The following DDR2 variants were observed in gnomAD, a reference collection of about 807,000 sequenced individuals.
DDR2 encodes discoidin domain receptor tyrosine kinase 2, also known as discoidin domain-containing receptor 2.
Under a neutral mutation model 94.9 loss-of-function variants are expected in DDR2, and 27 were observed. That is an observed-to-expected ratio of 0.28 (90% CI 0.21 to 0.39). DDR2 has a LOEUF of 0.39. Among genes scored for constraint, DDR2 ranks in the 10% least tolerant of loss-of-function variants. DDR2 has a pLI of 1.00. For synonymous variants in DDR2, 382 were observed against 377.2 expected (o/e 1.01, Z -0.15); for missense variants, 783 against 1,076.0 (o/e 0.73, Z 3.81).
intron 3 of DDR2, among the ~76,000 whole-genome samples, chr1:162,729,851 T>C (rs961915157): frequency 7.2e-5 from 11 of 151,770 alleles, no homozygotes; most frequent in African/African-American, 2.7e-4. Flanking sequence ...TCTAGAGATT[T>C]TCCTGCCTCA....
At chr1:162,656,910 T>C (rs943714050) in intron 2 of DDR2, among the ~76,000 whole-genome samples, 5 of 144,932 alleles carry the variant, frequency 3.4e-5, no homozygotes, top group Non-Finnish European at 7.5e-5. Context: ...AGTGTAATCT[T>C]GTGCAATCTT....
chr1:162,641,579 A>G (rs951405068), intron 1 of DDR2, among the ~76,000 whole-genome samples: 1 of 152,212 alleles, frequency 6.6e-6, no homozygotes, highest in Admixed American at 6.5e-5. Context: ...CTCACTGTAT[A>G]TTAGATTAAG....
At chr1:162,639,672 A>T (rs1657027094) in intron 1 of DDR2, among the ~76,000 whole-genome samples, 1 of 152,248 alleles carries the variant, frequency 6.6e-6, no homozygotes, top group Non-Finnish European at 1.5e-5. Flanking sequence ...CCACTCTGTG[A>T]AAGACAATGT....
chr1:162,697,607 G>T (rs1409634589), intron 2 of DDR2, among the ~76,000 whole-genome samples: 1 of 152,186 alleles, frequency 6.6e-6, no homozygotes, highest in Non-Finnish European at 1.5e-5. Context: ...GCCTAGTTGT[G>T]TACTAGGGAG....
chr1:162,635,819 C>A (rs1380354860), intron 1 of DDR2, among the ~76,000 whole-genome samples: 1 of 152,188 alleles, frequency 6.6e-6, no homozygotes, highest in South Asian at 2.1e-4. Flanking sequence ...GAACTGCTCC[C>A]CAGGTGATTC....
At position 162,644,583 on chromosome 1, in the gene DDR2, C is replaced by G. The variant is rs77926169; in HGVS notation, c.-191-10628C>G. Among the ~76,000 whole-genome samples, 673 of 145,412 alleles carry G rather than the reference C, an allele frequency of 4.6e-3. 3 individuals are homozygous for G. The highest frequency in any genetic ancestry group is 8.0e-3 in the Non-Finnish European group (536 of 66,706). On this transcript the variant is annotated intron_variant, in intron 1 of 17. Transcript: ENST00000367921. Reference sequence around the variant, plus strand: ...AAGTGGTGACAAACGATTGAGATATCTAGATCCACATTATTTACCTTTTTT... The same window carrying G: ...AAGTGGTGACAAACGATTGAGATATGTAGATCCACATTATTTACCTTTTTT...
chr1:162,735,948 C>T (rs1283398316), intron 3 of DDR2, among the ~76,000 whole-genome samples: 1 of 152,236 alleles, frequency 6.6e-6, no homozygotes, highest in South Asian at 2.1e-4. Context: ...AGCAGAGGCT[C>T]TCATTGCATT....
At chr1:162,678,628 T>A (rs983519279) in intron 2 of DDR2, among the ~76,000 whole-genome samples, 6 of 152,228 alleles carry the variant, frequency 3.9e-5, no homozygotes, top group Non-Finnish European at 7.3e-5. Flanking sequence ...AATGCATTCC[T>A]TCCCACAAAT....
chr1:162,644,900 A>G (rs988076907), intron 1 of DDR2, among the ~76,000 whole-genome samples: 4 of 152,210 alleles, frequency 2.6e-5, no homozygotes, highest in Non-Finnish European at 4.4e-5. Context: ...CCAGCCAACC[A>G]CACTTCTTAA....
chr1:162,648,425 T>G (rs1383042648), intron 1 of DDR2, among the ~76,000 whole-genome samples: 2 of 152,102 alleles, frequency 1.3e-5, no homozygotes, highest in Non-Finnish European at 2.9e-5. Flanking sequence ...GAAATAACAT[T>G]GCATAGATGG....
At chr1:162,684,883 G>A (rs1371748500) in intron 2 of DDR2, among the ~76,000 whole-genome samples, 1 of 149,784 alleles carries the variant, frequency 6.7e-6, no homozygotes, top group Admixed American at 6.7e-5. Flanking sequence ...TAGCACCATT[G>A]CTACCTTATG....
At chr1:162,675,449 T>C (rs901528993) in intron 2 of DDR2, among the ~76,000 whole-genome samples, 2 of 152,162 alleles carry the variant, frequency 1.3e-5, no homozygotes, top group Non-Finnish European at 2.9e-5. Context: ...ATGGCAAGTC[T>C]ACCAGTCAAA....
intron 1 of DDR2, among the ~76,000 whole-genome samples, chr1:162,652,109 G>A (rs1026441642): frequency 4.6e-5 from 7 of 152,220 alleles, no homozygotes; most frequent in Non-Finnish European, 1.0e-4. Context: ...CCTTGTTGGG[G>A]CTGCTTGGGG....
At chr1:162,659,266 G>A (rs1018211766) in intron 2 of DDR2, among the ~76,000 whole-genome samples, 5 of 152,264 alleles carry the variant, frequency 3.3e-5, no homozygotes, top group Middle Eastern at 3.4e-3. Context: ...AGGAAGGAAA[G>A]GACACTTGTA....
chr1:162,702,028 A>G (rs1390329360), intron 2 of DDR2, among the ~76,000 whole-genome samples: 1 of 152,140 alleles, frequency 6.6e-6, no homozygotes, highest in Non-Finnish European at 1.5e-5. Flanking sequence ...GAAACTTTGC[A>G]TCCTGGAGAT....
rs77407951 is a variant in DDR2 at position 162,724,462 on chromosome 1, C to T, written c.82+5317C>T. Among the ~76,000 whole-genome samples the T allele has an allele frequency of 4.9e-3, 751 of 152,258 alleles. 5 individuals carry two copies. Among genetic ancestry groups the T allele is most frequent in the Middle Eastern group, 0.01 (3 of 294 alleles). On this transcript the variant is annotated intron_variant, in intron 3 of 17. Coordinates refer to ENST00000367921, the MANE Select transcript of DDR2 (RefSeq NM_006182.4). Reference sequence around the variant, plus strand: ...AGGAAGGCTGGAGCTAGAAGCCCTGCGGGCCAACTTACCCCCACCCAGAAA... The same window carrying T: ...AGGAAGGCTGGAGCTAGAAGCCCTGTGGGCCAACTTACCCCCACCCAGAAA...
chr1:162,700,528 G>C (rs1043375383), intron 2 of DDR2, among the ~76,000 whole-genome samples: 12 of 152,314 alleles, frequency 7.9e-5, no homozygotes, highest in Admixed American at 7.2e-4. Context: ...AGAGTGCTGA[G>C]CCTTCAGCAT....
At chr1:162,658,626 G>C in intron 2 of DDR2, among the ~76,000 whole-genome samples, 1 of 144,482 alleles carries the variant, frequency 6.9e-6, no homozygotes, top group Admixed American at 7.1e-5. Context: ...CCAGGTTGGA[G>C]AGCAGCTTGG....
rs1452443465 is a variant in DDR2 at position 162,669,147 on chromosome 1, G to T, written c.-28+13773G>T. ...TCTGATTTCAAACATGCAAACAATA[G>T]TGACTGGAAATATTTTTACTAAATT... On this transcript the variant is annotated intron_variant, in intron 2 of 17. Transcript: ENST00000367921. 2.6e-5 allele frequency among the ~76,000 whole-genome samples: 4 copies of T among 152,260 alleles called. No homozygotes were observed. In the East Asian group the frequency reaches 7.7e-4, roughly 29 times the overall value.
Sources: gnomAD v4.1 joint callset for allele counts (sites outside exome capture counted in the v4.1 genomes callset) on GRCh38, gnomAD v4.1.1 for gene constraint, MANE v1.5 for transcripts, NCBI Gene and HGNC (gene_info 2026-07-23, HGNC 2026-07-21) for gene names.